Variants in HPSE2 observed in about 807,000 individuals in gnomAD.
The protein encoded by HPSE2 is inactive heparanase-2.
Under a neutral mutation model 60.5 loss-of-function variants are expected in HPSE2, and 38 were observed. The observed-to-expected ratio is 0.63, with a 90% CI of 0.48 to 0.82. The LOEUF is 0.82. HPSE2 is among the 40% of genes least tolerant of loss of function. HPSE2 has a pLI of 0.00. For missense variants in HPSE2, 713 were observed against 740.4 expected, an observed-to-expected ratio of 0.96 and a Z score of 0.43; for synonymous variants, 295 against 293.2, an observed-to-expected ratio of 1.01 and a Z score of -0.06.
chr10:98,928,409 A>T (rs1954542546), intron 3 of HPSE2, among the ~76,000 whole-genome samples: 1 of 88,368 alleles, frequency 1.1e-5, no homozygotes, highest in South Asian at 4.2e-4. Context: ...AACTAGTTCA[A>T]CCATTGTAGA....
chr10:99,237,073 C>T (rs1849876482), upstream of HPSE2, among the ~76,000 whole-genome samples: 1 of 152,156 alleles, frequency 6.6e-6, no homozygotes, highest in Admixed American at 6.5e-5. Context: ...CCCGCCGCTG[C>T]TCATTGAGCT....
At chr10:99,081,116 T>A (rs1200026540) in intron 3 of HPSE2, among the ~76,000 whole-genome samples, 3 of 152,140 alleles carry the variant, frequency 2.0e-5, no homozygotes, top group Non-Finnish European at 4.4e-5. Flanking sequence ...TATTCATGAG[T>A]AAACCAAAAG....
intron 3 of HPSE2, among the ~76,000 whole-genome samples, chr10:99,100,954 C>T (rs113260336): frequency 0.011 from 1,717 of 152,216 alleles, 35 homozygotes; most frequent in African/African-American, 0.039. Flanking sequence ...ATTTTGTCAC[C>T]ACCAGGCCTG....
chr10:98,561,145 T>G (rs1311584009), intron 9 of HPSE2, among the ~76,000 whole-genome samples: 2 of 147,844 alleles, frequency 1.4e-5, no homozygotes, highest in Admixed American at 7.0e-5. Flanking sequence ...TGCAAGAAAG[T>G]GATACTGGTT....
chr10:98,691,181 G>A (rs1206341009), intron 6 of HPSE2, among the ~76,000 whole-genome samples: 2 of 152,104 alleles, frequency 1.3e-5, no homozygotes, highest in Non-Finnish European at 2.9e-5. Context: ...ATTCTTCCAT[G>A]ACTTTTCCAA....
At chr10:98,531,049 T>C (rs962625744) in intron 9 of HPSE2, among the ~76,000 whole-genome samples, 6 of 152,206 alleles carry the variant, frequency 3.9e-5, no homozygotes, top group East Asian at 1.9e-4. Flanking sequence ...CCAGGCACTA[T>C]ACTATGGAAG....
the HPSE2 span, among the ~76,000 whole-genome samples, chr10:99,307,830 GCGCACACACACACACACACACA>G: frequency 7.1e-6 from 1 of 141,024 alleles, no homozygotes; most frequent in African/African-American, 2.7e-5. Flanking sequence ...CCTAGTAAAT[GCGCACACACACACACACACACA>G]CACACACACA....
At chr10:99,150,999 A>T (rs1846239967) in intron 2 of HPSE2, among the ~76,000 whole-genome samples, 1 of 152,186 alleles carries the variant, frequency 6.6e-6, no homozygotes. Flanking sequence ...ACCCTAGGAA[A>T]CCAAGCTAAA....
chr10:98,707,029 A>C (rs1468023898), intron 5 of HPSE2, among the ~76,000 whole-genome samples: 1 of 152,178 alleles, frequency 6.6e-6, no homozygotes, highest in African/African-American at 2.4e-5. Context: ...CACTGAAATG[A>C]AAGATACTGG....
intron 3 of HPSE2, among the ~76,000 whole-genome samples, chr10:99,143,754 C>T (rs770171678): frequency 5.9e-5 from 9 of 152,114 alleles, no homozygotes; most frequent in Admixed American, 1.3e-4. Flanking sequence ...TAAGGGAGCA[C>T]GGCTCAGTCT....
intron 2 of HPSE2, among the ~76,000 whole-genome samples, chr10:99,163,535 T>G (rs913379524): frequency 4.6e-5 from 7 of 152,158 alleles, no homozygotes; most frequent in African/African-American, 1.7e-4. Flanking sequence ...ATAAAAAACA[T>G]ACATTGGTTT....
chr10:98,643,527 G>T (rs949797356), intron 6 of HPSE2, among the ~76,000 whole-genome samples: 5 of 152,072 alleles, frequency 3.3e-5, no homozygotes, highest in Admixed American at 6.5e-5. Flanking sequence ...CATGTCCTTT[G>T]CCTCATCCCT....
intron 3 of HPSE2, among the ~76,000 whole-genome samples, chr10:99,050,251 A>G (rs1236794280): frequency 6.6e-6 from 1 of 151,968 alleles, no homozygotes; most frequent in Admixed American, 6.6e-5. Context: ...GTAGTGGGGT[A>G]TGACTGCACC....
chr10:98,743,147 A>G (rs1360097506), intron 4 of HPSE2, among the ~76,000 whole-genome samples: 1 of 151,286 alleles, frequency 6.6e-6, no homozygotes, highest in Non-Finnish European at 1.5e-5. Context: ...TAATTTTTGT[A>G]TTTTTAATAG....
chr10:99,128,965 T>A (rs1845275253), intron 3 of HPSE2, among the ~76,000 whole-genome samples: 1 of 152,000 alleles, frequency 6.6e-6, no homozygotes, highest in African/African-American at 2.4e-5. Flanking sequence ...AGATATCCCA[T>A]GCAAACGGAC....
At chr10:99,290,929 G>A in the HPSE2 span, among the ~76,000 whole-genome samples, 1 of 152,102 alleles carries the variant, frequency 6.6e-6, no homozygotes, top group African/African-American at 2.4e-5. Flanking sequence ...TTCTAATCAA[G>A]AAAATTAAGT....
At chr10:99,120,243 T>C (rs1844893100) in intron 3 of HPSE2, among the ~76,000 whole-genome samples, 1 of 151,944 alleles carries the variant, frequency 6.6e-6, no homozygotes, top group African/African-American at 2.4e-5. Context: ...TAAACAAATT[T>C]ACGATTTAAA....
chr10:99,215,659 TG>T (rs760591541), intron 2 of HPSE2, among the ~76,000 whole-genome samples: 83 of 152,274 alleles, frequency 5.5e-4, no homozygotes, highest in Middle Eastern at 6.8e-3. Flanking sequence ...AACGACCACA[TG>T]TTGTATGATT....
intron 3 of HPSE2, among the ~76,000 whole-genome samples, chr10:99,021,999 G>A (rs890485088): frequency 2.7e-5 from 4 of 150,334 alleles, no homozygotes; most frequent in South Asian, 4.3e-4. Context: ...CCATTAACTC[G>A]TCATTTACAT....
Sources: allele counts gnomAD v4.1 joint callset (sites outside exome capture counted in the v4.1 genomes callset), GRCh38; gene constraint gnomAD v4.1.1; transcripts MANE v1.5; gene names NCBI Gene and HGNC (gene_info 2026-07-23, HGNC 2026-07-21).